MAD1L1: variants seen among roughly 807,000 people sequenced by gnomAD.
The protein encoded by MAD1L1 is mitotic spindle assembly checkpoint protein MAD1.
A neutral mutation model predicts 96.9 loss-of-function variants in MAD1L1; 95 were observed. That is an observed-to-expected ratio of 0.98 (90% CI 0.83 to 1.16). MAD1L1 has a LOEUF of 1.16. Ranked by LOEUF, MAD1L1 falls within the 50% of genes most tolerant of loss-of-function variation. The pLI is 0.00. For synonymous variants in MAD1L1, 473 were observed against 396.6 expected (o/e 1.19, Z -2.29); for missense variants, 1,007 against 954.4 (o/e 1.06, Z -0.73).
intron 18 of MAD1L1, among the ~76,000 whole-genome samples, chr7:1,883,791 A>G (rs1378289146): frequency 6.6e-6 from 1 of 152,188 alleles, no homozygotes; most frequent in Non-Finnish European, 1.5e-5. Context: ...ATGTGTCTCT[A>G]TTACCCAGAC....
At chr7:1,826,290 T>A (rs1782390144) in intron 18 of MAD1L1, among the ~76,000 whole-genome samples, 2 of 151,728 alleles carry the variant, frequency 1.3e-5, no homozygotes, top group Admixed American at 6.6e-5. Context: ...CCGTCCGCGC[T>A]CTGAGGAGGG....
intron 18 of MAD1L1, among the ~76,000 whole-genome samples, chr7:1,860,043 T>C (rs1410680153): frequency 6.9e-6 from 1 of 144,330 alleles, no homozygotes; most frequent in Non-Finnish European, 1.5e-5. Flanking sequence ...GCAGCCTCTG[T>C]GTCCCTAGAC....
chr7:2,230,075 A>T lies in MAD1L1; in HGVS notation c.59T>A (p.Phe20Tyr). The T allele has an allele frequency of 6.2e-7, 1 of 1,612,252 alleles. No homozygotes were observed. The highest frequency in any genetic ancestry group is 8.5e-7 in the Non-Finnish European group (1 of 1,179,184). Residue 20 changes from phenylalanine to tyrosine, a missense_variant, in exon 3 of 19, where the codon TTC (phenylalanine) becomes TAC (tyrosine). Transcript: ENST00000265854. Reference sequence around the variant, plus strand: ...GCCTCCCTCCACACGCTGAGAGATGAAGTTGTTCAAAGATCTCAGGGTGGA... The same window carrying T: ...GCCTCCCTCCACACGCTGAGAGATGTAGTTGTTCAAAGATCTCAGGGTGGA... ...VLSTLRSLNN[F>Y]ISQRVEGGSG...
chr7:1,971,322 T>TGCTCACACCACGC (rs1780396084), intron 15 of MAD1L1, among the ~76,000 whole-genome samples: 1 of 152,182 alleles, frequency 6.6e-6, no homozygotes, highest in African/African-American at 2.4e-5. Context: ...CAGGCTACAG[T>TGCTCACACCACGC]TGGTCTTTCC....
chr7:1,980,845 G>C (rs1264660341), intron 14 of MAD1L1: 2 of 507,258 alleles, frequency 3.9e-6, no homozygotes, highest in East Asian at 9.6e-5. Context: ...CAGCTGGGGA[G>C]AGAGCACGCT....
intron 16 of MAD1L1, among the ~76,000 whole-genome samples, chr7:1,939,068 C>T (rs1778799191): frequency 7.8e-6 from 1 of 127,864 alleles, no homozygotes; most frequent in Admixed American, 7.9e-5. Flanking sequence ...ACACACGGGC[C>T]AGAGCCGGGA....
intron 15 of MAD1L1, among the ~76,000 whole-genome samples, chr7:1,970,577 G>A (rs1221837316): frequency 1.3e-5 from 2 of 152,100 alleles, no homozygotes; most frequent in Non-Finnish European, 2.9e-5. Context: ...CAGGTGATCT[G>A]CCGGCCTTGG....
intron 12 of MAD1L1, among the ~76,000 whole-genome samples, chr7:2,065,681 G>A (rs1784847354): frequency 2.0e-5 from 3 of 152,168 alleles, no homozygotes; most frequent in Admixed American, 2.0e-4. Flanking sequence ...CCAGGGCAGG[G>A]TGTCACCATG....
chr7:1,970,397 G>A (rs927174675), intron 15 of MAD1L1, among the ~76,000 whole-genome samples: 2 of 138,846 alleles, frequency 1.4e-5, no homozygotes, highest in Non-Finnish European at 3.0e-5. Context: ...GCAGTGGCAC[G>A]ATCTCGGCTC....
At chr7:2,012,713 G>T (rs2128497457) in intron 13 of MAD1L1, among the ~76,000 whole-genome samples, 1 of 152,298 alleles carries the variant, frequency 6.6e-6, no homozygotes, top group South Asian at 2.1e-4. Context: ...GTGGTTGAGG[G>T]CTCACCCATA....
chr7:2,149,165 C>A lies in MAD1L1; in HGVS notation c.1060G>T (p.Ala354Ser), dbSNP rs1362054866. The A allele has an allele frequency of 1.2e-6, 2 of 1,613,948 alleles. No individual in the cohort carries two copies. Among genetic ancestry groups the A allele is most frequent in the Admixed American group, 3.3e-5 (2 of 59,990 alleles). The change falls in exon 11 of 19, where the codon GCC becomes TCC. Residue 354 changes from alanine to serine, a missense_variant. By Grantham distance (99) the Ala-to-Ser change is moderately conservative. Transcript: ENST00000265854. ...GGCCAGGTCTACCTGCTGGTGACGG[C>A]GCTGTTCTTGTCCTTCAAGGCAAGC... ...RELALKDKNS[A>S]VTSSARGLEK...
intron 16 of MAD1L1, among the ~76,000 whole-genome samples, chr7:1,948,351 A>T (rs1406727497): frequency 2.0e-5 from 3 of 150,980 alleles, no homozygotes; most frequent in African/African-American, 7.3e-5. Context: ...TGTGCTGTAT[A>T]GCCTCCGCTC....
At chr7:1,962,903 C>T (rs1780009577) in intron 15 of MAD1L1, among the ~76,000 whole-genome samples, 1 of 152,100 alleles carries the variant, frequency 6.6e-6, no homozygotes, top group African/African-American at 2.4e-5. Context: ...GCTATGATCC[C>T]ACCACTGCAC....
chr7:1,816,015 G>A lies in MAD1L1; in HGVS notation c.*55C>T. The A allele has an allele frequency of 6.6e-7, 1 of 1,522,202 alleles. No homozygotes were observed. Among genetic ancestry groups the A allele is most frequent in the South Asian group, 1.3e-5 (1 of 79,796 alleles). 94.3% of individuals were successfully genotyped at this position (1,522,202 alleles called of 1,614,324 possible). On this transcript the variant is annotated 3_prime_UTR_variant, in exon 19 of 19. Transcript: ENST00000265854. ...CCAGCCTGTGGCTGGCGGGGCAGGG[G>A]ACCTGCAGGTCAGGCCAAGCAGAGT...
intron 10 of MAD1L1, among the ~76,000 whole-genome samples, chr7:2,153,493 G>T (rs545971925): frequency 1.3e-5 from 2 of 152,270 alleles, no homozygotes; most frequent in South Asian, 4.1e-4. Flanking sequence ...ACCACAATGA[G>T]ATACCACCTT....
At chr7:2,215,827 G>C in intron 9 of MAD1L1, 58 bp downstream of exon 9, 1 of 1,494,594 alleles carries the variant, frequency 6.7e-7, no homozygotes, top group South Asian at 1.1e-5. Context: ...CAATACCGAG[G>C]CTCCTCCAGG....
intron 17 of MAD1L1, among the ~76,000 whole-genome samples, chr7:1,910,813 G>A (rs376852663): frequency 3.1e-4 from 47 of 152,356 alleles, no homozygotes; most frequent in Middle Eastern, 3.4e-3. Flanking sequence ...GCATGGCTAC[G>A]TTTGTCCCCA....
rs1055119711 is a variant in MAD1L1 at position 2,088,781 on chromosome 7, A to T, written c.1074-19443T>A. 1 of 152,426 alleles carries T rather than the reference A, an allele frequency of 6.6e-6. No homozygotes were observed. The highest frequency in any genetic ancestry group is 2.4e-5 in the African/African-American group (1 of 41,450). 9.4% of individuals were successfully genotyped at this position (152,426 alleles called of 1,614,324 possible). On this transcript the variant is annotated intron_variant, in intron 11 of 18. Coordinates refer to ENST00000265854, the MANE Select transcript of MAD1L1 (RefSeq NM_001013836.2). The surrounding 1 kb of genome is among the most constrained non-coding windows in gnomAD (Gnocchi z 4.4). ...ATTTCCTGGGTGCCCCAAAGCACAC[A>T]CCAGATTCTCACCAGCAGTGAAGCC...
At chr7:2,151,494 TTC>T (rs1789568527) in intron 10 of MAD1L1, among the ~76,000 whole-genome samples, 1 of 152,162 alleles carries the variant, frequency 6.6e-6, no homozygotes, top group Admixed American at 6.5e-5. Flanking sequence ...GCTGGGATGG[TTC>T]TCTCTCACCA....
Sources: gnomAD v4.1 joint callset for allele counts (sites outside exome capture counted in the v4.1 genomes callset) on GRCh38, gnomAD v4.1.1 for gene constraint, Gnocchi (gnomAD v3.1) non-coding constraint, MANE v1.5 for transcripts, NCBI Gene and HGNC (gene_info 2026-07-23, HGNC 2026-07-21) for gene names.